The following DOCK4 variants were observed in gnomAD, a reference collection of about 807,000 sequenced individuals.
DOCK4 encodes dedicator of cytokinesis 4, also known as dedicator of cytokinesis protein 4.
A neutral mutation model predicts 268.1 loss-of-function variants in DOCK4; 97 were observed. The observed-to-expected ratio is 0.36, with a 90% CI of 0.31 to 0.43. The LOEUF is 0.43. Ranked by LOEUF, DOCK4 falls within the 20% of genes least tolerant of loss-of-function variation. The pLI is 1.00. For synonymous variants in DOCK4, 954 were observed against 887.2 expected (o/e 1.08, Z -1.34); for missense variants, 2,145 against 2,455.7 (o/e 0.87, Z 2.67).
At chr7:112,028,197 T>A (rs1802974167) in intron 1 of DOCK4, among the ~76,000 whole-genome samples, 1 of 152,124 alleles carries the variant, frequency 6.6e-6, no homozygotes, top group South Asian at 2.1e-4. Flanking sequence ...AAGTGGTAAA[T>A]CGACTTTTTA....
At chr7:112,187,369 C>G (rs1189284640) in intron 1 of DOCK4, among the ~76,000 whole-genome samples, 4 of 152,126 alleles carry the variant, frequency 2.6e-5, no homozygotes, top group Admixed American at 6.6e-5. Context: ...TGTCTACATG[C>G]GAATAATTTC....
At chr7:111,747,166 T>C in intron 43 of DOCK4, 101 bp downstream of exon 43, 1 of 1,121,660 alleles carries the variant, frequency 8.9e-7, no homozygotes, top group Non-Finnish European at 1.2e-6. Context: ...CAGCCCTATG[T>C]TTGCGTGCTG....
chr7:111,739,778 G>T (rs1471718726), intron 47 of DOCK4: 3 of 400,186 alleles, frequency 7.5e-6, no homozygotes, highest in Non-Finnish European at 1.4e-5. Flanking sequence ...CCAGCCTAGG[G>T]CCCAAAAACA....
At chr7:111,740,823 A>C (rs1398946950) in intron 47 of DOCK4, among the ~76,000 whole-genome samples, 1 of 149,234 alleles carries the variant, frequency 6.7e-6, no homozygotes, top group African/African-American at 2.5e-5. Context: ...TGCAGAAGGA[A>C]CTTGGGGCAG....
intron 1 of DOCK4, among the ~76,000 whole-genome samples, chr7:112,177,195 A>G (rs1037042847): frequency 1.3e-5 from 2 of 152,208 alleles, no homozygotes; most frequent in Non-Finnish European, 2.9e-5. Flanking sequence ...GTATTTGTTA[A>G]GAGTTAAATT....
At chr7:112,052,260 A>G (rs1403772543) in intron 1 of DOCK4, among the ~76,000 whole-genome samples, 1 of 152,202 alleles carries the variant, frequency 6.6e-6, no homozygotes, top group Non-Finnish European at 1.5e-5. Flanking sequence ...CAATGGATAT[A>G]GAATGTTGAC....
chr7:111,819,963 G>T (rs981239749), intron 27 of DOCK4: 2 of 152,200 alleles, frequency 1.3e-5, no homozygotes, highest in Non-Finnish European at 2.9e-5. Flanking sequence ...TAGCCAAGCG[G>T]AAACTTTTTC....
chr7:111,764,339 T>G (rs762730841), intron 39 of DOCK4, among the ~76,000 whole-genome samples: 3 of 152,232 alleles, frequency 2.0e-5, no homozygotes, highest in Non-Finnish European at 4.4e-5. Flanking sequence ...ACAGGCAAGA[T>G]TTAGGTAAAC....
intron 23 of DOCK4, among the ~76,000 whole-genome samples, chr7:111,860,888 T>C (rs1334511029): frequency 1.3e-5 from 2 of 152,224 alleles, no homozygotes; most frequent in Non-Finnish European, 2.9e-5. Context: ...AAGGACAGAT[T>C]ACATTGCTCA....
At chr7:112,196,389 G>A (rs1820446802) in intron 1 of DOCK4, among the ~76,000 whole-genome samples, 1 of 152,094 alleles carries the variant, frequency 6.6e-6, no homozygotes, top group Admixed American at 6.6e-5. Flanking sequence ...CTTTGTTATT[G>A]CAATACTTTC....
At chr7:112,139,835 A>G (rs1225988378) in intron 1 of DOCK4, among the ~76,000 whole-genome samples, 3 of 152,200 alleles carry the variant, frequency 2.0e-5, no homozygotes, top group African/African-American at 4.8e-5. Context: ...TTAGCATGCC[A>G]CAGACTACAG....
At position 112,131,981 on chromosome 7, in the gene DOCK4, C is replaced by A. The variant is rs1272397262; in HGVS notation, c.37+74121G>T. On this transcript the variant is annotated intron_variant, in intron 1 of 52. Coordinates refer to ENST00000428084, the MANE Select transcript of DOCK4 (RefSeq NM_001363540.2). ...GTCAGACAGAAGAAAAAAGGGATCC[C>A]TTCATACAAGCATCATCATTGTGAG... Among the ~76,000 whole-genome samples the A allele has an allele frequency of 2.0e-5, 3 of 152,092 alleles. No homozygotes were observed. In the East Asian group the frequency reaches 5.8e-4, roughly 29 times the overall value.
chr7:111,938,850 C>T lies in DOCK4; in HGVS notation c.977+1260G>A, dbSNP rs144447162. ...TGTAGCCAGGCATGGTGGCATGCGC[C>T]TGTAATCCCAGCTACTCAGGAGGCT... On this transcript the variant is annotated intron_variant, in intron 11 of 52. Transcript: ENST00000428084. Among the ~76,000 whole-genome samples, 569 of 152,088 alleles carry T rather than the reference C, an allele frequency of 3.7e-3. 2 individuals are homozygous for T. The highest frequency in any genetic ancestry group is 0.013 in the African/African-American group (542 of 41,470).
intron 50 of DOCK4, among the ~76,000 whole-genome samples, chr7:111,735,781 A>G (rs1585821329): frequency 6.6e-6 from 1 of 152,200 alleles, no homozygotes; most frequent in East Asian, 1.9e-4. Flanking sequence ...TAAGGGCAGG[A>G]CACGCTGGTT....
At chr7:111,822,270 T>A in intron 27 of DOCK4, 92 bp downstream of exon 27, 9 of 1,086,936 alleles carry the variant, frequency 8.3e-6, no homozygotes, top group Admixed American at 2.8e-5. Context: ...AAAAAAAAAC[T>A]GCAAACTTGA....
intron 52 of DOCK4, among the ~76,000 whole-genome samples, chr7:111,731,960 G>A (rs187632282): frequency 6.6e-6 from 1 of 152,270 alleles, no homozygotes; most frequent in East Asian, 1.9e-4. Flanking sequence ...TTCAGTATAT[G>A]CACTGACTTC....
rs748150897 is a variant in DOCK4 at position 111,728,521 on chromosome 7, G to C, written c.5681C>G (p.Pro1894Arg). ...CACTGGCTCCTCCCCGCCGTAGCTC[G>C]GCACGGGCACCGGCACTGGCACCGG... The part of the protein sequence containing the change: ...PLPVPVPVPV[P>R]SYGGEEPVRK... Residue 1894 changes from proline (P) to arginine (R), a missense_variant, in exon 53 of 53, where the codon CCG (proline) becomes CGG (arginine). Pro to Arg is a moderately radical substitution (Grantham distance 103). This residue lies in a region of DOCK4 where 547 missense variants were observed against 469.0 expected (regional missense o/e 1.17). Transcript: ENST00000428084. The C allele has an allele frequency of 1.9e-6, 3 of 1,613,286 alleles. No individual in the cohort carries two copies. In the African/African-American group the frequency reaches 4.0e-5, roughly 22 times the overall value.
chr7:112,141,783 A>G (rs916926359), intron 1 of DOCK4, among the ~76,000 whole-genome samples: 2 of 152,188 alleles, frequency 1.3e-5, no homozygotes, highest in African/African-American at 4.8e-5. Flanking sequence ...AATGACAATG[A>G]ACAGCCTGCC....
intron 21 of DOCK4, among the ~76,000 whole-genome samples, chr7:111,868,481 C>A (rs1217043519): frequency 6.6e-6 from 1 of 152,060 alleles, no homozygotes; most frequent in Admixed American, 6.6e-5. Context: ...GAGGCCGAGG[C>A]GGGTGGATCA....
Sources: allele counts gnomAD v4.1 joint callset (sites outside exome capture counted in the v4.1 genomes callset), GRCh38; gene constraint gnomAD v4.1.1; regional missense constraint gnomAD v4.1.1; transcripts MANE v1.5; gene names NCBI Gene and HGNC (gene_info 2026-07-23, HGNC 2026-07-21).